TBC1D14: variants seen among roughly 807,000 people sequenced by gnomAD.
The protein encoded by TBC1D14 is TBC1 domain family member 14.
Under a neutral mutation model 79.0 loss-of-function variants are expected in TBC1D14, and 26 were observed. The ratio of observed to expected loss-of-function variants is 0.33; its 90% CI spans 0.24 to 0.46. The LOEUF (loss-of-function observed/expected upper bound fraction) is 0.46. Among genes scored for constraint, TBC1D14 ranks in the 20% least tolerant of loss-of-function variants. The probability of loss-of-function intolerance (pLI) is 1.00; values close to 1 mark genes in which losing one functional copy is unlikely to be tolerated. For synonymous variants in TBC1D14, 394 were observed against 349.9 expected (o/e 1.13, Z -1.40); for missense variants, 769 against 887.6 (o/e 0.87, Z 1.70).
chr4:6,911,312 C>T (rs1218061342), intron 1 of TBC1D14, among the ~76,000 whole-genome samples: 1 of 152,190 alleles, frequency 6.6e-6, no homozygotes, highest in Non-Finnish European at 1.5e-5. Context: ...TTTTGGGAAA[C>T]ATCAAGGGTG....
At chr4:7,007,383 C>G (rs907924402) in intron 9 of TBC1D14, 4 of 418,156 alleles carry the variant, frequency 9.6e-6, no homozygotes, top group African/African-American at 2.1e-5. Flanking sequence ...CTTTAAAGAC[C>G]TTCTATTCTT....
chr4:6,910,870 C>T (rs1423388407), intron 1 of TBC1D14, among the ~76,000 whole-genome samples: 1 of 152,208 alleles, frequency 6.6e-6, no homozygotes, highest in South Asian at 2.1e-4. Flanking sequence ...TTTGCCCCTA[C>T]TGGAGGTCCC....
chr4:7,021,158 G>T (rs998664958), intron 12 of TBC1D14, among the ~76,000 whole-genome samples: 2 of 152,204 alleles, frequency 1.3e-5, no homozygotes, highest in African/African-American at 4.8e-5. Context: ...ACCTGGCTAG[G>T]TAAGAATTTT....
chr4:7,019,483 CT>C (rs1204854005), intron 12 of TBC1D14, among the ~76,000 whole-genome samples: 1 of 152,132 alleles, frequency 6.6e-6, no homozygotes, highest in Non-Finnish European at 1.5e-5. Context: ...GCACGTCTGG[CT>C]TAGGTTGGGT....
At chr4:7,028,578 C>T (rs1422531722) in intron 13 of TBC1D14, among the ~76,000 whole-genome samples, 1 of 152,126 alleles carries the variant, frequency 6.6e-6, no homozygotes, top group Non-Finnish European at 1.5e-5. Context: ...AGGCGCCCGC[C>T]TCCATGCCCA....
At chr4:6,974,237 A>G (rs1472726034) in intron 3 of TBC1D14, among the ~76,000 whole-genome samples, 1 of 152,142 alleles carries the variant, frequency 6.6e-6, no homozygotes, top group Non-Finnish European at 1.5e-5. Flanking sequence ...ACTCCCAGAA[A>G]AGGGGAGCTG....
intron 2 of TBC1D14, among the ~76,000 whole-genome samples, chr4:6,960,182 A>G (rs749415293): frequency 3.3e-5 from 5 of 150,862 alleles, no homozygotes; most frequent in Non-Finnish European, 5.9e-5. Flanking sequence ...CCGGGGCTCA[A>G]GTGATCTTCC....
At chr4:6,927,959 A>G (rs1724418747) in intron 2 of TBC1D14, among the ~76,000 whole-genome samples, 1 of 152,212 alleles carries the variant, frequency 6.6e-6, no homozygotes, top group Non-Finnish European at 1.5e-5. Flanking sequence ...AAACCCAGAC[A>G]GCAAGTGTAA....
At chr4:6,949,867 G>A (rs745876092) in intron 2 of TBC1D14, among the ~76,000 whole-genome samples, 49 of 151,970 alleles carry the variant, frequency 3.2e-4, no homozygotes, top group Non-Finnish European at 6.5e-4. Flanking sequence ...TTGACTCGTT[G>A]GGTAGTGTTT....
At chr4:6,934,875 T>C (rs1177877924) in intron 2 of TBC1D14, among the ~76,000 whole-genome samples, 1 of 151,770 alleles carries the variant, frequency 6.6e-6, no homozygotes, top group Non-Finnish European at 1.5e-5. Flanking sequence ...ACTGGGAGCT[T>C]GAGATTGGCC....
chr4:6,941,532 G>A (rs572088774), intron 2 of TBC1D14, among the ~76,000 whole-genome samples: 1 of 152,108 alleles, frequency 6.6e-6, no homozygotes, highest in Non-Finnish European at 1.5e-5. Context: ...TCCTGACATC[G>A]TCTTCCTGTG....
Position 6,998,072 on chromosome 4 carries a change from T to C in TBC1D14, c.1046-1013T>C, listed in dbSNP as rs904958452. On this transcript the variant is annotated intron_variant, in intron 5 of 13. Coordinates refer to ENST00000409757, the MANE Select transcript of TBC1D14 (RefSeq NM_020773.3). ...ATTTCTCAGAGCTGCTATTTGTAGA[T>C]TAAGAGTAATGCTCAAGGCTGGGCA... 4.6e-5 allele frequency among the ~76,000 whole-genome samples: 7 copies of C among 152,072 alleles called. No individual in the cohort carries two copies. In the South Asian group the frequency reaches 1.5e-3, roughly 32 times the overall value.
intron 3 of TBC1D14, among the ~76,000 whole-genome samples, chr4:6,983,193 A>G (rs1405137338): frequency 7.9e-5 from 12 of 152,064 alleles, no homozygotes; most frequent in Admixed American, 7.9e-4. Flanking sequence ...GCTGGTCTTG[A>G]ACTCCTGACC....
At chr4:6,946,916 T>C (rs1244671161) in intron 2 of TBC1D14, among the ~76,000 whole-genome samples, 1 of 152,212 alleles carries the variant, frequency 6.6e-6, no homozygotes, top group African/African-American at 2.4e-5. Context: ...CCCTCATAAT[T>C]TGTGCTACTT....
At chr4:6,945,749 C>CAAAAAAAAAAA (rs71173472) in intron 2 of TBC1D14, among the ~76,000 whole-genome samples, 17 of 64,132 alleles carry the variant, frequency 2.7e-4, no homozygotes, top group South Asian at 9.1e-4. Flanking sequence ...AACTGCGTCT[C>CAAAAAAAAAAA]AAAAAAAAAA....
In TBC1D14 at chr4:6,958,376, T is replaced by TATAACACACACACAC. The variant is rs538972596; in HGVS notation, c.723-8927_723-8926insTAACACACACACACA. On this transcript the variant is annotated intron_variant, in intron 2 of 13. Transcript: ENST00000409757. The stretch of plus-strand genomic sequence containing the variant: ...GGGTGATACACGTGATCCCCACATA[T>TATAACACACACACAC]ACACACACACACACACACACACACA... Among the ~76,000 whole-genome samples, 13 of 149,222 alleles carry TATAACACACACACAC rather than the reference T, an allele frequency of 8.7e-5. No homozygotes were observed. The South Asian group carries it at 2.8e-3, about 32-fold the overall frequency.
chr4:6,991,516 C>G (rs987212310), intron 3 of TBC1D14, among the ~76,000 whole-genome samples: 3 of 152,192 alleles, frequency 2.0e-5, no homozygotes, highest in African/African-American at 7.2e-5. Flanking sequence ...CCTGAAACCA[C>G]TGGAAGAGGC....
chr4:6,943,393 CCT>C (rs1485169469), intron 2 of TBC1D14, among the ~76,000 whole-genome samples: 2 of 152,182 alleles, frequency 1.3e-5, no homozygotes, highest in Non-Finnish European at 2.9e-5. Context: ...GTTGAATACC[CCT>C]CTCATTCTCT....
intron 5 of TBC1D14, among the ~76,000 whole-genome samples, chr4:6,996,625 A>T (rs1022749509): frequency 3.3e-5 from 5 of 151,094 alleles, no homozygotes; most frequent in African/African-American, 2.4e-5. Flanking sequence ...ACTCGGGGGG[A>T]TGTTGAGGCA....
Sources: allele counts gnomAD v4.1 joint callset (sites outside exome capture counted in the v4.1 genomes callset), GRCh38; gene constraint gnomAD v4.1.1; transcripts MANE v1.5; gene names NCBI Gene and HGNC (gene_info 2026-07-23, HGNC 2026-07-21).